The following PTPRT variants were observed in gnomAD, a reference collection of about 807,000 sequenced individuals.
PTPRT encodes receptor-type tyrosine-protein phosphatase T.
PTPRT carries 56 observed loss-of-function variants against 176.8 expected under a neutral mutation model. The observed-to-expected ratio is 0.32, with a 90% CI of 0.26 to 0.40. PTPRT has a LOEUF of 0.40. Ranked by LOEUF, PTPRT falls within the 10% of genes least tolerant of loss-of-function variation. The pLI is 1.00. For synonymous variants in PTPRT, 783 were observed against 739.0 expected, an observed-to-expected ratio of 1.06 and a Z score of -0.96; for missense variants, 1,540 against 1,908.2, an observed-to-expected ratio of 0.81 and a Z score of 3.60.
At chr20:42,039,962 A>G in the PTPRT span, among the ~76,000 whole-genome samples, 1 of 151,902 alleles carries the variant, frequency 6.6e-6, no homozygotes, top group Non-Finnish European at 1.5e-5. Flanking sequence ...CAGTAGTGGG[A>G]TTGCTGGATC....
chr20:42,507,824 G>C (rs982286888), intron 7 of PTPRT, among the ~76,000 whole-genome samples: 2 of 151,116 alleles, frequency 1.3e-5, no homozygotes, highest in Non-Finnish European at 2.9e-5. Flanking sequence ...AGGTCCCAGG[G>C]ATCAGGTAGA....
At chr20:42,449,441 C>G (rs6093644) in intron 8 of PTPRT, among the ~76,000 whole-genome samples, 22 of 152,136 alleles carry the variant, frequency 1.4e-4, no homozygotes, top group Non-Finnish European at 2.6e-4. Flanking sequence ...GCTGTAACCC[C>G]TTAGAAATAA....
chr20:42,734,434 A>G (rs1279394276), intron 6 of PTPRT, among the ~76,000 whole-genome samples: 2 of 152,152 alleles, frequency 1.3e-5, no homozygotes, highest in Non-Finnish European at 1.5e-5. Context: ...CAATAAAGCA[A>G]TGCTGTTCTT....
chr20:42,346,995 C>T (rs6124445), intron 11 of PTPRT, among the ~76,000 whole-genome samples: 5 of 152,126 alleles, frequency 3.3e-5, no homozygotes, highest in Non-Finnish European at 5.9e-5. Flanking sequence ...CCGGTCATCA[C>T]GTGACATACC....
intron 14 of PTPRT, among the ~76,000 whole-genome samples, chr20:42,244,453 G>C (rs1456950530): frequency 6.6e-6 from 1 of 152,208 alleles, no homozygotes; most frequent in Admixed American, 6.5e-5. Context: ...GGAGGAGACA[G>C]GGTCTGGCTA....
chr20:42,880,013 A>G (rs998202572), intron 2 of PTPRT, among the ~76,000 whole-genome samples: 1 of 152,152 alleles, frequency 6.6e-6, no homozygotes, highest in Admixed American at 6.5e-5. Flanking sequence ...TTTGAAGGCT[A>G]AGATGGTGAG....
rs548878956 is a variant in PTPRT at position 42,878,844 on chromosome 20, T to C, written c.214+6963A>G. 3.1e-3 allele frequency among the ~76,000 whole-genome samples: 465 copies of C among 152,144 alleles called. 1 individual carries two copies. The highest frequency in any genetic ancestry group is 4.4e-3 in the Non-Finnish European group (301 of 67,990). On this transcript the variant is annotated intron_variant, in intron 2 of 30. Coordinates refer to ENST00000373187, the MANE Select transcript of PTPRT (RefSeq NM_007050.6). The stretch of plus-strand genomic sequence containing the variant: ...GAGATTGAGACCATCCTGGCTAACA[T>C]GGTGAAACCCCGTCTCTACTAAAAA...
chr20:42,849,721 C>A (rs1457618814), intron 2 of PTPRT, among the ~76,000 whole-genome samples: 1 of 152,192 alleles, frequency 6.6e-6, no homozygotes, highest in Non-Finnish European at 1.5e-5. Context: ...AGAATAATCT[C>A]TAACTCACAC....
chr20:42,122,770 C>T (rs149690031), intron 19 of PTPRT, among the ~76,000 whole-genome samples: 1 of 152,316 alleles, frequency 6.6e-6, no homozygotes, highest in East Asian at 1.9e-4. Context: ...TATAAGCCTG[C>T]AGTAGCTCCC....
chr20:42,461,126 G>C (rs967737319), intron 8 of PTPRT, among the ~76,000 whole-genome samples: 4 of 152,144 alleles, frequency 2.6e-5, no homozygotes, highest in African/African-American at 9.7e-5. Flanking sequence ...TTGGGAGTTC[G>C]ATACCAGCCT....
intron 9 of PTPRT, among the ~76,000 whole-genome samples, chr20:42,380,844 T>G (rs1165056839): frequency 6.6e-6 from 1 of 152,142 alleles, no homozygotes; most frequent in Admixed American, 6.5e-5. Flanking sequence ...TACCTAAAAC[T>G]GGGTAATTGA....
At chr20:43,053,018 G>A (rs1313281181) in intron 1 of PTPRT, among the ~76,000 whole-genome samples, 2 of 151,834 alleles carry the variant, frequency 1.3e-5, no homozygotes, top group African/African-American at 4.8e-5. Context: ...GGCAAAGGTG[G>A]ATATGGCATA....
chr20:42,548,787 C>T (rs549515907), intron 7 of PTPRT, among the ~76,000 whole-genome samples: 1 of 152,186 alleles, frequency 6.6e-6, no homozygotes, highest in South Asian at 2.1e-4. Context: ...ACCCTTTCTC[C>T]AAGAAACGCG....
intron 6 of PTPRT, among the ~76,000 whole-genome samples, chr20:42,733,146 A>G (rs1271104913): frequency 1.3e-5 from 2 of 152,170 alleles, no homozygotes; most frequent in African/African-American, 4.8e-5. Flanking sequence ...CTCTCTAGAC[A>G]TGGGGTTTAA....
At chr20:42,205,365 T>C (rs2055429065) in intron 15 of PTPRT, among the ~76,000 whole-genome samples, 1 of 152,160 alleles carries the variant, frequency 6.6e-6, no homozygotes, top group Admixed American at 6.5e-5. Context: ...GTTGGACAAA[T>C]AGTTAATGAG....
At chr20:43,115,782 A>G (rs1319470297) in intron 1 of PTPRT, among the ~76,000 whole-genome samples, 1 of 151,836 alleles carries the variant, frequency 6.6e-6, no homozygotes, top group East Asian at 1.9e-4. Flanking sequence ...GGGCTCTATT[A>G]CAAGCAGTTG....
chr20:43,187,159 A>G (rs1392089150), intron 1 of PTPRT, among the ~76,000 whole-genome samples: 1 of 152,250 alleles, frequency 6.6e-6, no homozygotes, highest in African/African-American at 2.4e-5. Context: ...TGAGACCAAC[A>G]TGTTACAGCA....
chr20:42,410,134 G>T (rs755591223), intron 9 of PTPRT, among the ~76,000 whole-genome samples: 50 of 152,060 alleles, frequency 3.3e-4, no homozygotes, highest in Non-Finnish European at 4.0e-4. Flanking sequence ...CATATAGGAA[G>T]GGTGAAAATA....
intron 1 of PTPRT, among the ~76,000 whole-genome samples, chr20:42,921,801 CACCCA>C (rs1979163447): frequency 6.6e-6 from 1 of 152,172 alleles, no homozygotes; most frequent in Non-Finnish European, 1.5e-5. Context: ...TCCTCAAGAC[CACCCA>C]TGACCCTCAT....
Sources: gnomAD v4.1 joint callset for allele counts (sites outside exome capture counted in the v4.1 genomes callset) on GRCh38, gnomAD v4.1.1 for gene constraint, MANE v1.5 for transcripts, NCBI Gene and HGNC (gene_info 2026-07-23, HGNC 2026-07-21) for gene names.